Variants in CLTB observed in about 807,000 individuals in gnomAD.
CLTB encodes clathrin, light chain (Lcb).
A neutral mutation model predicts 30.5 loss-of-function variants in CLTB; 10 were observed. The observed-to-expected ratio is 0.33, with a 90% CI of 0.20 to 0.56. CLTB has a LOEUF of 0.56. Ranked by LOEUF, CLTB falls within the 20% of genes least tolerant of loss-of-function variation. CLTB has a pLI of 0.91. For synonymous variants in CLTB, 102 were observed against 120.3 expected, an observed-to-expected ratio of 0.85 and a Z score of 1.00; for missense variants, 261 against 308.3, an observed-to-expected ratio of 0.85 and a Z score of 1.15.
chr5:176,410,710 G>A (rs1757383310), intron 1 of CLTB, among the ~76,000 whole-genome samples: 1 of 151,584 alleles, frequency 6.6e-6, no homozygotes, highest in South Asian at 2.1e-4. Flanking sequence ...CTGAGCTGCT[G>A]TAAGCTCAGG....
intron 2 of CLTB, among the ~76,000 whole-genome samples, chr5:176,403,329 C>A (rs544585720): frequency 1.3e-5 from 2 of 151,908 alleles, no homozygotes; most frequent in African/African-American, 2.4e-5. Context: ...GGATTACAGG[C>A]GTGAGCTACT....
rs1272060242 is a variant in CLTB at position 176,393,841 on chromosome 5, C to A, written c.519-896G>T. ...CACGTGGGACTCACTAACAGAAAGA[C>A]AATAAGGGATTCTTAGGTGAGGAGA... On this transcript the variant is annotated intron_variant, in intron 5 of 5. Coordinates refer to ENST00000310418, the MANE Select transcript of CLTB (RefSeq NM_007097.5). This position sits in a 1 kb window ranked among gnomAD's most constrained non-coding sequence, Gnocchi z 4.4. Among the ~76,000 whole-genome samples, 25 of 152,206 alleles carry A rather than the reference C, an allele frequency of 1.6e-4. No homozygotes were observed. Among genetic ancestry groups the A allele is most frequent in the Admixed American group, 1.6e-3 (24 of 15,284 alleles).
rs1401412139 is a variant in CLTB, at chr5:176,415,830, A to T, written c.187+347T>A. ...GGCTGTGTTCTGCCCACACCTGCAC[A>T]CTTAGCTGGGAGCCTGGGACACCCA... On this transcript the variant is annotated intron_variant, in intron 1 of 5. Transcript: ENST00000310418. Among the ~76,000 whole-genome samples the T allele has an allele frequency of 1.3e-5, 2 of 152,138 alleles. 1 individual carries two copies. Among genetic ancestry groups the T allele is most frequent in the Admixed American group, 1.3e-4 (2 of 15,280 alleles).
intron 4 of CLTB, 92 bp from the exon 5 acceptor site, chr5:176,396,624 C>T: frequency 3.5e-6 from 3 of 853,692 alleles, no homozygotes; most frequent in East Asian, 2.6e-5. Flanking sequence ...GAGAGAGAGA[C>T]AGCATTAGTA....
intron 1 of CLTB, 107 bp from the exon 2 acceptor site, chr5:176,410,410 A>G: frequency 2.5e-6 from 2 of 802,120 alleles, no homozygotes; most frequent in Non-Finnish European, 2.1e-6. Context: ...ACCCATGTAT[A>G]TATCGACCCA....
intron 1 of CLTB, among the ~76,000 whole-genome samples, chr5:176,415,556 G>C (rs1272190265): frequency 1.3e-5 from 2 of 152,154 alleles, no homozygotes; most frequent in African/African-American, 4.8e-5. Context: ...AAAAGAAAAA[G>C]AAACAGGTTT....
intron 2 of CLTB, chr5:176,406,177 A>C: frequency 1.0e-6 from 1 of 989,550 alleles, no homozygotes; most frequent in Non-Finnish European, 1.2e-6. Context: ...CAGTGGGGAG[A>C]TCAGTCATGG....
rs1355730350 is a variant in CLTB, at chr5:176,411,980, T to C, written c.188-1677A>G. Among the ~76,000 whole-genome samples the C allele has an allele frequency of 3.9e-5, 6 of 152,018 alleles. No homozygotes were observed. In the East Asian group the frequency reaches 5.8e-4, roughly 15 times the overall value. On this transcript the variant is annotated intron_variant, in intron 1 of 5. Coordinates refer to ENST00000310418, the MANE Select transcript of CLTB (RefSeq NM_007097.5). ...TCACGAAGTCAGGAGATCGAGACCATCCTGGCTAACACGGTGAAACCCCGT... is the reference window on the plus strand; with the variant it reads ...TCACGAAGTCAGGAGATCGAGACCACCCTGGCTAACACGGTGAAACCCCGT...
chr5:176,406,862 C>A (rs1757148790), intron 2 of CLTB, among the ~76,000 whole-genome samples: 2 of 152,138 alleles, frequency 1.3e-5, no homozygotes, highest in South Asian at 4.1e-4. Flanking sequence ...CACCTGTGAC[C>A]CAGGCGCTGT....
chr5:176,392,807 G>T lies in CLTB; in HGVS notation c.657C>A (p.Leu219=). The T allele has an allele frequency of 6.2e-7, 1 of 1,614,238 alleles. No homozygotes were observed. The highest frequency in any genetic ancestry group is 8.5e-7 in the Non-Finnish European group (1 of 1,180,054). Residue 219 remains leucine (L), a synonymous_variant, in exon 6 of 6, where the codon CTC becomes CTA. Transcript: ENST00000310418. The surrounding 1 kb of genome is among the most constrained non-coding windows in gnomAD (Gnocchi z 5.2). ...CKDVSRLRSV[L]MSLKQTPLSR is the part of the protein sequence containing the mutation. ...ACAGTGGCGTCTGCTTCAGGGACAT[G>T]AGCACCGAGCGCAGGCGGGACACAT...
rs1284582670 is a variant in CLTB, at chr5:176,393,817, A to G, written c.519-872T>C. Among the ~76,000 whole-genome samples the G allele has an allele frequency of 6.6e-6, 1 of 152,216 alleles. No homozygotes were observed. Among genetic ancestry groups the G allele is most frequent in the Non-Finnish European group, 1.5e-5 (1 of 68,034 alleles). ...ATACAGTCTAGTGGACAAAATCTAC[A>G]CGTGGGACTCACTAACAGAAAGACA... On this transcript the variant is annotated intron_variant, in intron 5 of 5. Coordinates refer to ENST00000310418, the MANE Select transcript of CLTB (RefSeq NM_007097.5). The surrounding 1 kb of genome is among the most constrained non-coding windows in gnomAD (Gnocchi z 4.4).
chr5:176,416,544 T>A, upstream of CLTB: 1 of 258,824 alleles, frequency 3.9e-6, no homozygotes, highest in Non-Finnish European at 6.5e-6. Flanking sequence ...GTCACTGCGG[T>A]GCGGGCGCCG....
chr5:176,411,963 T>C (rs749652553), intron 1 of CLTB, among the ~76,000 whole-genome samples: 11 of 151,810 alleles, frequency 7.2e-5, no homozygotes, highest in Non-Finnish European at 1.5e-4. Context: ...GATCACGAAG[T>C]CAGGAGATCG....
At chr5:176,400,013 G>A (rs1266074400) in intron 2 of CLTB, among the ~76,000 whole-genome samples, 1 of 152,086 alleles carries the variant, frequency 6.6e-6, no homozygotes, top group Non-Finnish European at 1.5e-5. Context: ...CCAACATGGT[G>A]AAACCCCATC....
At chr5:176,397,462 CACGG>C in intron 4 of CLTB, 141 bp downstream of exon 4, 1 of 625,170 alleles carries the variant, frequency 1.6e-6, no homozygotes, top group South Asian at 1.8e-5. Context: ...CTCATGTCCC[CACGG>C]CCCCCTCATG....
intron 5 of CLTB, among the ~76,000 whole-genome samples, chr5:176,394,597 C>T (rs185113496): frequency 6.8e-6 from 1 of 147,760 alleles, no homozygotes. Context: ...GTGGGCGGAT[C>T]ACGAGGTCAG....
At chr5:176,405,403 C>G (rs1757050520) in intron 2 of CLTB, among the ~76,000 whole-genome samples, 1 of 148,620 alleles carries the variant, frequency 6.7e-6, no homozygotes, top group South Asian at 2.1e-4. Flanking sequence ...GCAGGAGGAT[C>G]ACTTAAGCCC....
chr5:176,396,485 C>T lies in CLTB; in HGVS notation c.512G>A (p.Gly171Asp). Residue 171 changes from glycine to aspartate, a missense_variant, in exon 5 of 6, where the codon GGC becomes GAC. By Grantham distance (94) the Gly-to-Asp change is moderately conservative. Transcript: ENST00000310418. Reference protein sequence around the residue: ...FYQQPDADIIGYVASEEAFVK... With the variant: ...FYQQPDADIIDYVASEEAFVK... The stretch of plus-strand genomic sequence containing the variant: ...AAGCAAAACAGACACGTACACGTAG[C>T]CGATGATATCAGCATCTGGCTGCTG... The T allele has an allele frequency of 6.2e-7, 1 of 1,613,832 alleles. No homozygotes were observed. Among genetic ancestry groups the T allele is most frequent in the South Asian group, 1.1e-5 (1 of 91,062 alleles).
rs765127770 is a variant in CLTB at position 176,392,616 on chromosome 5, G to A, written c.*158C>T. 226 of 750,118 alleles carry A rather than the reference G, an allele frequency of 3.0e-4. No homozygotes were observed. Among genetic ancestry groups the A allele is most frequent in the South Asian group, 1.3e-3 (76 of 57,124 alleles). 46.5% of individuals were successfully genotyped at this position (750,118 alleles called of 1,614,324 possible). A position where few individuals can be genotyped will look rare whatever the true frequency, so the allele number is the denominator to read the frequency against. Reference sequence around the variant, plus strand: ...CCAGAGGGCCAGGAGGGAGCGAGGCGTGATGGGGTGAGGGCCCCCCTCCCA... The same window carrying A: ...CCAGAGGGCCAGGAGGGAGCGAGGCATGATGGGGTGAGGGCCCCCCTCCCA... On this transcript the variant is annotated 3_prime_UTR_variant, in exon 6 of 6. Coordinates refer to ENST00000310418, the MANE Select transcript of CLTB (RefSeq NM_007097.5). This position sits in a 1 kb window ranked among gnomAD's most constrained non-coding sequence, Gnocchi z 5.2.
Sources: gnomAD v4.1 joint callset for allele counts (sites outside exome capture counted in the v4.1 genomes callset) on GRCh38, gnomAD v4.1.1 for gene constraint, Gnocchi (gnomAD v3.1) non-coding constraint, MANE v1.5 for transcripts, NCBI Gene and HGNC (gene_info 2026-07-23, HGNC 2026-07-21) for gene names.